The following PCSK9 variants were observed in gnomAD, a reference collection of about 807,000 sequenced individuals.
PCSK9 encodes the protein convertase subtilisin/kexin type 9 preproprotein.
PCSK9 carries 57 observed loss-of-function variants against 62.1 expected under a neutral mutation model. The observed-to-expected ratio is 0.92, with a 90% CI of 0.74 to 1.14. PCSK9 has a LOEUF of 1.14. Among genes scored for constraint, PCSK9 ranks in the 50% most tolerant of loss-of-function variants. The pLI is 0.00. For missense variants in PCSK9, 870 were observed against 959.8 expected (o/e 0.91, Z 1.24); for synonymous variants, 387 against 409.4 (o/e 0.95, Z 0.66).
intron 10 of PCSK9, among the ~76,000 whole-genome samples, chr1:55,060,100 A>G (rs1419513648): frequency 1.3e-5 from 2 of 152,246 alleles, no homozygotes; most frequent in Middle Eastern, 3.2e-3. Flanking sequence ...TGTATGAGGA[A>G]ATGATGAGTG....
At chr1:55,050,589 T>A (rs897708867) in intron 3 of PCSK9, among the ~76,000 whole-genome samples, 2 of 152,160 alleles carry the variant, frequency 1.3e-5, no homozygotes, top group Admixed American at 6.5e-5. Flanking sequence ...ACGGGACTGA[T>A]CAGTGGAGCT....
At chr1:55,041,663 C>A (rs1644598788) in intron 1 of PCSK9, among the ~76,000 whole-genome samples, 1 of 152,118 alleles carries the variant, frequency 6.6e-6, no homozygotes, top group African/African-American at 2.4e-5. Context: ...TAGACCAATC[C>A]TTTTCTTTTA....
At chr1:55,058,683 G>A (rs757669143) in intron 9 of PCSK9, 36 bp downstream of exon 9, 5 of 1,021,614 alleles carry the variant, frequency 4.9e-6, no homozygotes, top group Admixed American at 6.2e-5. Flanking sequence ...GTGTGTGTGT[G>A]TGTGTGTGTG....
chr1:55,053,679 C>T lies in PCSK9; in HGVS notation c.799+888C>T, dbSNP rs183692354. ...GAGTCTGCCCTGTGCTCCACCAGTT[C>T]TGCCCTGAGACTTTCCTACAGAGTA... On this transcript the variant is annotated intron_variant, in intron 5 of 11. Coordinates refer to ENST00000302118, the MANE Select transcript of PCSK9 (RefSeq NM_174936.4). 3.1e-3 allele frequency among the ~76,000 whole-genome samples: 478 copies of T among 152,356 alleles called. 3 individuals are homozygous for T. Among genetic ancestry groups the T allele is most frequent in the African/African-American group, 0.011 (447 of 41,580 alleles).
chr1:55,051,992 G>C (rs1644677607), intron 3 of PCSK9: 1 of 491,808 alleles, frequency 2.0e-6, no homozygotes, highest in South Asian at 2.1e-5. Flanking sequence ...GTTAGATATT[G>C]ATATTCATAT....
In PCSK9 at chr1:55,064,786, T is replaced by C. The variant is rs1269914938; in HGVS notation, c.*1202T>C. ...TTTTGTAACTTGAAGATATTTATTC[T>C]GGGTTTTGTAGCATTTTTATTAATA... On this transcript the variant is annotated 3_prime_UTR_variant, in exon 12 of 12. Transcript: ENST00000302118. 2.6e-5 allele frequency: 4 copies of C among 152,238 alleles called. No homozygotes were observed. Among genetic ancestry groups the C allele is most frequent in the African/African-American group, 9.6e-5 (4 of 41,462 alleles). 9.4% of individuals were successfully genotyped at this position (152,238 alleles called of 1,614,324 possible).
intron 5 of PCSK9, among the ~76,000 whole-genome samples, chr1:55,053,009 C>T (rs2479413): frequency 0.38 from 57,233 of 152,054 alleles, 11,245 homozygotes; most frequent in African/African-American, 0.47. Context: ...TGCAGGTAGC[C>T]CAGGGAGTTC....
Position 55,063,661 on chromosome 1 carries a change from T to G in PCSK9, c.*77T>G, listed in dbSNP as rs1403962635. ...CTTTAAAATGGTTCCGACTTGTCCC[T>G]CTCTCAGCCCTCCATGGCCTGGCAC... On this transcript the variant is annotated 3_prime_UTR_variant, in exon 12 of 12. Transcript: ENST00000302118. 6 of 1,465,094 alleles carry G rather than the reference T, an allele frequency of 4.1e-6. No homozygotes were observed. In the African/African-American group the frequency reaches 8.4e-5, roughly 20 times the overall value. 90.8% of individuals were successfully genotyped at this position (1,465,094 alleles called of 1,614,324 possible).
chr1:55,053,696 TAC>T (rs1644692989), intron 5 of PCSK9, among the ~76,000 whole-genome samples: 1 of 152,234 alleles, frequency 6.6e-6, no homozygotes, highest in African/African-American at 2.4e-5. Flanking sequence ...GAGACTTTCC[TAC>T]AGAGTACAGG....
Position 55,063,899 on chromosome 1 carries a change from G to T in PCSK9, c.*315G>T, listed in dbSNP as rs1033025408. On this transcript the variant is annotated 3_prime_UTR_variant, in exon 12 of 12. Transcript: ENST00000302118. ...TGCTCCCAATGTGCCGATGTCCGTG[G>T]GCAGAATGACTTTTATTGAGCTCTT... 4.5e-6 allele frequency: 2 copies of T among 442,386 alleles called. No individual in the cohort carries two copies. The highest frequency in any genetic ancestry group is 3.9e-5 in the African/African-American group (2 of 51,062). The allele number at this position is 442,386 out of a possible 1,614,324, so 27.4% of individuals were successfully genotyped here. A position where few individuals can be genotyped will look rare whatever the true frequency, so the allele number is the denominator to read the frequency against.
At position 55,039,814 on chromosome 1, in the gene PCSK9, A is replaced by G; in HGVS notation, c.-24A>G. 1 of 1,569,150 alleles carries G rather than the reference A, an allele frequency of 6.4e-7. No individual in the cohort carries two copies. Among genetic ancestry groups the G allele is most frequent in the Non-Finnish European group, 8.6e-7 (1 of 1,158,216 alleles). On this transcript the variant is annotated 5_prime_UTR_variant, in exon 1 of 12. Coordinates refer to ENST00000302118, the MANE Select transcript of PCSK9 (RefSeq NM_174936.4). The stretch of plus-strand genomic sequence containing the variant: ...ACGGCCTCTAGGTCTCCTCGCCAGG[A>G]CAGCAACCTCTCCCCTGGCCCTCAT...
chr1:55,045,778 A>G (rs1644629989), intron 2 of PCSK9, among the ~76,000 whole-genome samples: 1 of 150,894 alleles, frequency 6.6e-6, no homozygotes, highest in Admixed American at 6.6e-5. Flanking sequence ...TCCCGGGTTC[A>G]AGCTCACTGC....
At chr1:55,060,458 G>A (rs1476478865) in intron 10 of PCSK9, among the ~76,000 whole-genome samples, 1 of 152,212 alleles carries the variant, frequency 6.6e-6, no homozygotes, top group Admixed American at 6.5e-5. Flanking sequence ...GTGAGAACCT[G>A]GTTCTGGGCA....
intron 6 of PCSK9, 58 bp from the exon 7 acceptor site, chr1:55,057,273 C>T: frequency 6.4e-7 from 1 of 1,564,578 alleles, no homozygotes; most frequent in Non-Finnish European, 8.8e-7. Flanking sequence ...CCTGAGTCTG[C>T]CTCTGCAACC....
intron 7 of PCSK9, 43 bp from the exon 8 acceptor site, chr1:55,057,993 G>A (rs776711931): frequency 5.3e-5 from 86 of 1,612,348 alleles, no homozygotes; most frequent in Non-Finnish European, 7.0e-5. Flanking sequence ...TGGGGCAGGA[G>A]GGCCGGGCCA....
intron 1 of PCSK9, among the ~76,000 whole-genome samples, chr1:55,042,121 AT>A (rs1262413121): frequency 6.6e-6 from 1 of 150,838 alleles, no homozygotes; most frequent in Non-Finnish European, 1.5e-5. Flanking sequence ...TAATTTTTGT[AT>A]TTTTAGTAGA....
At chr1:55,048,153 G>A (rs746234366) in intron 3 of PCSK9, among the ~76,000 whole-genome samples, 9 of 152,156 alleles carry the variant, frequency 5.9e-5, no homozygotes, top group Non-Finnish European at 1.2e-4. Context: ...GGGCTCCAGG[G>A]AGAAGCTTCT....
At position 55,040,142 on chromosome 1, in the gene PCSK9, A is replaced by AT. The variant is rs1644588257; in HGVS notation, c.207+98_207+99insT. 6.9e-7 allele frequency: 1 copy of AT among 1,451,342 alleles called. No homozygotes were observed. The highest frequency in any genetic ancestry group is 1.3e-5 in the South Asian group (1 of 79,128). The allele number at this position is 1,451,342 out of a possible 1,614,324, so 89.9% of individuals were successfully genotyped here. A position where few individuals can be genotyped will look rare whatever the true frequency, so the allele number is the denominator to read the frequency against. Reference sequence around the variant, plus strand: ...TCAGTTTCCCCCCATGTAAGAGAGGAAGTGGAGTGCAGGTCGCCGAGGGCT... The same window carrying AT: ...TCAGTTTCCCCCCATGTAAGAGAGGATAGTGGAGTGCAGGTCGCCGAGGGCT... On this transcript the variant is annotated intron_variant, in intron 1 of 11. Coordinates refer to ENST00000302118, the MANE Select transcript of PCSK9 (RefSeq NM_174936.4). This position sits in a 1 kb window ranked among gnomAD's most constrained non-coding sequence, Gnocchi z 4.1.
intron 7 of PCSK9, among the ~76,000 whole-genome samples, 174 bp downstream of exon 7, chr1:55,057,688 A>G (rs533375): frequency 0.82 from 124,880 of 152,156 alleles, 51,470 homozygotes; most frequent in East Asian, 1. Flanking sequence ...TGCACAGAGG[A>G]AACACGAGGT....
Sources: gnomAD v4.1 joint callset for allele counts (sites outside exome capture counted in the v4.1 genomes callset) on GRCh38, gnomAD v4.1.1 for gene constraint, Gnocchi (gnomAD v3.1) non-coding constraint, MANE v1.5 for transcripts, NCBI Gene and HGNC (gene_info 2026-07-23, HGNC 2026-07-21) for gene names.